DLG2: variants seen among roughly 807,000 people sequenced by gnomAD.
The protein encoded by DLG2 is discs large MAGUK scaffold protein 2, also known as disks large homolog 2.
In DLG2, 45 loss-of-function variants were observed where a neutral mutation model predicts 132.5. That is an observed-to-expected ratio of 0.34 (90% CI 0.27 to 0.44). The LOEUF (loss-of-function observed/expected upper bound fraction) is 0.44, where lower values mean the gene tolerates loss of function less well. Ranked by LOEUF, DLG2 falls within the 20% of genes least tolerant of loss-of-function variation. DLG2 has a pLI of 1.00. For synonymous variants in DLG2, 424 were observed against 419.6 expected, an observed-to-expected ratio of 1.01 and a Z score of -0.13; for missense variants, 1,045 against 1,196.9, an observed-to-expected ratio of 0.87 and a Z score of 1.87.
rs10680572 is a variant in DLG2, at chr11:84,510,094, CTTATTA to C, written c.519+24470_519+24475del. Among the ~76,000 whole-genome samples the C allele has an allele frequency of 3.6e-3, 529 of 146,562 alleles. 4 individuals carry two copies. The highest frequency in any genetic ancestry group is 0.011 in the Middle Eastern group (3 of 280). ...ACAATCAGAAAGTAGTAAGAGTTCA[CTTATTA>C]TTATTATTATTATTATTATTATTAT... is the stretch of plus-strand genomic sequence containing the variant. On this transcript the variant is annotated intron_variant, in intron 7 of 27. Coordinates refer to ENST00000376104, the MANE Select transcript of DLG2 (RefSeq NM_001142699.3).
chr11:83,680,129 C>A (rs1324737339), intron 18 of DLG2, among the ~76,000 whole-genome samples: 1 of 152,062 alleles, frequency 6.6e-6, no homozygotes, highest in Non-Finnish European at 1.5e-5. Context: ...TCTTTTGTTG[C>A]TATAAATAGA....
intron 7 of DLG2, among the ~76,000 whole-genome samples, chr11:84,524,188 G>T (rs938105692): frequency 6.6e-6 from 1 of 152,174 alleles, no homozygotes. Flanking sequence ...GCTGTCCTGA[G>T]TCACAGGTGG....
intron 7 of DLG2, among the ~76,000 whole-genome samples, chr11:84,484,543 T>C (rs2099146130): frequency 6.6e-6 from 1 of 152,162 alleles, no homozygotes; most frequent in Non-Finnish European, 1.5e-5. Context: ...CTGGTTAGAG[T>C]ATATGGACAT....
intron 7 of DLG2, among the ~76,000 whole-genome samples, chr11:84,257,679 A>ATTTTTT (rs1172548999): frequency 1.8e-4 from 19 of 105,916 alleles, no homozygotes; most frequent in Non-Finnish European, 1.9e-4. Context: ...TTATCTCTGG[A>ATTTTTT]TTTTTTTTTT....
At chr11:85,338,103 C>A (rs2082249863) in intron 3 of DLG2, among the ~76,000 whole-genome samples, 2 of 151,566 alleles carry the variant, frequency 1.3e-5, no homozygotes, top group South Asian at 2.1e-4. Context: ...GAAAGAAGAG[C>A]AAGAATAAAA....
At chr11:85,333,961 A>C (rs890000164) in intron 3 of DLG2, among the ~76,000 whole-genome samples, 3 of 151,930 alleles carry the variant, frequency 2.0e-5, no homozygotes, top group Non-Finnish European at 4.4e-5. Context: ...TGAGTTAGAG[A>C]GGAGTCCTCC....
intron 8 of DLG2, among the ~76,000 whole-genome samples, chr11:84,165,030 CT>C (rs1486510742): frequency 6.6e-6 from 1 of 152,104 alleles, no homozygotes. Context: ...ACACTTCAAA[CT>C]CCTTGTATGT....
intron 7 of DLG2, among the ~76,000 whole-genome samples, chr11:84,373,269 A>AAAAAAAAAAAAAAAAAC (rs1555532736): frequency 7.8e-6 from 1 of 128,428 alleles, no homozygotes; most frequent in African/African-American, 3.5e-5. Context: ...AAAAAACAAA[A>AAAAAAAAAAAAAAAAAC]CAAAAAAAAA....
At chr11:84,142,107 T>C (rs1037604211) in intron 9 of DLG2, among the ~76,000 whole-genome samples, 2 of 151,780 alleles carry the variant, frequency 1.3e-5, no homozygotes, top group Non-Finnish European at 2.9e-5. Flanking sequence ...ATCGAGACCA[T>C]CCTGGCCAAC....
chr11:84,252,540 C>CT (rs926911891), intron 7 of DLG2, among the ~76,000 whole-genome samples: 4 of 151,842 alleles, frequency 2.6e-5, no homozygotes, highest in Non-Finnish European at 2.9e-5. Flanking sequence ...GTTCAACTTT[C>CT]TTTTTTTTAA....
intron 4 of DLG2, among the ~76,000 whole-genome samples, chr11:85,178,199 C>T (rs529234044): frequency 4.3e-4 from 65 of 151,974 alleles, no homozygotes; most frequent in Non-Finnish European, 7.2e-4. Flanking sequence ...GATCATTGTA[C>T]CTTGGTTATA....
At chr11:84,353,795 C>A (rs980201930) in intron 7 of DLG2, among the ~76,000 whole-genome samples, 1 of 152,120 alleles carries the variant, frequency 6.6e-6, no homozygotes, top group Non-Finnish European at 1.5e-5. Flanking sequence ...AAGCCTGATT[C>A]CTCTGTTTGT....
At chr11:85,083,815 G>T (rs1021824451) in intron 6 of DLG2, among the ~76,000 whole-genome samples, 48 of 152,054 alleles carry the variant, frequency 3.2e-4, no homozygotes, top group Admixed American at 2.1e-3. Context: ...TTGTTTTAAG[G>T]TCTCTGTTTT....
chr11:84,592,036 T>C (rs1477757146), intron 6 of DLG2, among the ~76,000 whole-genome samples: 1 of 152,054 alleles, frequency 6.6e-6, no homozygotes, highest in East Asian at 1.9e-4. Context: ...GTATTTTTTG[T>C]AGAGATGGGT....
intron 3 of DLG2, among the ~76,000 whole-genome samples, chr11:85,424,649 T>C (rs1013250365): frequency 3.3e-5 from 5 of 152,184 alleles, no homozygotes; most frequent in Non-Finnish European, 7.4e-5. Flanking sequence ...ATATTACAGA[T>C]AGTGAAGCAC....
intron 3 of DLG2, among the ~76,000 whole-genome samples, chr11:85,519,094 G>A (rs970970460): frequency 2.0e-5 from 3 of 152,152 alleles, no homozygotes; most frequent in Admixed American, 6.5e-5. Context: ...ACCTCCACTA[G>A]GGCAGTGCAG....
intron 3 of DLG2, among the ~76,000 whole-genome samples, chr11:85,366,140 T>C (rs1393068596): frequency 1.3e-5 from 2 of 152,210 alleles, no homozygotes; most frequent in Non-Finnish European, 2.9e-5. Flanking sequence ...AAAATGTAAT[T>C]GCTAGCTCTG....
intron 6 of DLG2, among the ~76,000 whole-genome samples, chr11:84,784,143 CAA>C (rs59301159): frequency 0.14 from 1,194 of 8,446 alleles, 1 homozygote; most frequent in East Asian, 0.23. Flanking sequence ...ACTAAAAATG[CAA>C]AAAAAAAAAA....
chr11:84,986,499 G>A (rs2056507855), intron 6 of DLG2, among the ~76,000 whole-genome samples: 1 of 152,136 alleles, frequency 6.6e-6, no homozygotes, highest in Non-Finnish European at 1.5e-5. Flanking sequence ...CAATATCCCT[G>A]ATGAACATAG....
Sources: allele counts gnomAD v4.1 joint callset (sites outside exome capture counted in the v4.1 genomes callset), GRCh38; gene constraint gnomAD v4.1.1; transcripts MANE v1.5; gene names NCBI Gene and HGNC (gene_info 2026-07-23, HGNC 2026-07-21).